The following ADAMTS2 variants were observed in gnomAD, a reference collection of about 807,000 sequenced individuals.
ADAMTS2 encodes ADAM metallopeptidase with thrombospondin type 1 motif 2.
Under a neutral mutation model 123.0 loss-of-function variants are expected in ADAMTS2, and 50 were observed. The ratio of observed to expected loss-of-function variants is 0.41; its 90% CI spans 0.32 to 0.51. The LOEUF is 0.51. Among genes scored for constraint, ADAMTS2 ranks in the 20% least tolerant of loss-of-function variants. ADAMTS2 has a pLI of 0.35. For missense variants in ADAMTS2, 1,494 were observed against 1,705.2 expected, an observed-to-expected ratio of 0.88 and a Z score of 2.18; for synonymous variants, 678 against 695.4, an observed-to-expected ratio of 0.98 and a Z score of 0.39.
chr5:179,212,352 G>A (rs1308642711), intron 3 of ADAMTS2, among the ~76,000 whole-genome samples: 57 of 147,430 alleles, frequency 3.9e-4, no homozygotes, highest in Non-Finnish European at 6.8e-4. Context: ...CAGTGGGCAC[G>A]TGTGGGCCCT....
At chr5:179,195,631 A>G (rs559952911) in intron 4 of ADAMTS2, among the ~76,000 whole-genome samples, 129 of 152,256 alleles carry the variant, frequency 8.5e-4, no homozygotes, top group African/African-American at 3.0e-3. Flanking sequence ...CCGAGTCCCC[A>G]CCACTCCCAA....
intron 4 of ADAMTS2, among the ~76,000 whole-genome samples, chr5:179,186,554 C>T (rs1764173926): frequency 6.6e-6 from 1 of 152,204 alleles, no homozygotes; most frequent in South Asian, 2.1e-4. Context: ...AATTTCCTGC[C>T]CAGCCCTGGC....
chr5:179,166,696 G>C (rs539261872), intron 5 of ADAMTS2, among the ~76,000 whole-genome samples: 1 of 152,298 alleles, frequency 6.6e-6, no homozygotes, highest in East Asian at 1.9e-4. Context: ...GCGTGCGATC[G>C]GTCACCTGCC....
At chr5:179,173,669 TAGAAATGAATGTCTGGGGTCAC>T (rs1253487252) in intron 5 of ADAMTS2, among the ~76,000 whole-genome samples, 1 of 152,224 alleles carries the variant, frequency 6.6e-6, no homozygotes, top group Non-Finnish European at 1.5e-5. Flanking sequence ...AACAGAGTTG[TAGAAATGAATGTCTGGGGTCAC>T]AGAAATGAAT....
chr5:179,196,335 G>A (rs935874899), intron 4 of ADAMTS2, among the ~76,000 whole-genome samples: 6 of 152,194 alleles, frequency 3.9e-5, no homozygotes, highest in Admixed American at 2.6e-4. Flanking sequence ...GACTGAAGGC[G>A]CAGAAGATCC....
At chr5:179,343,431 C>T (rs1757837789) in intron 2 of ADAMTS2, among the ~76,000 whole-genome samples, 1 of 152,242 alleles carries the variant, frequency 6.6e-6, no homozygotes, top group African/African-American at 2.4e-5. Context: ...TGTGCACACA[C>T]TCACAAAGGT....
intron 3 of ADAMTS2, among the ~76,000 whole-genome samples, chr5:179,237,154 G>A (rs748149396): frequency 4.6e-5 from 7 of 152,184 alleles, no homozygotes; most frequent in Non-Finnish European, 8.8e-5. Flanking sequence ...CCCCAGCTAC[G>A]TGAGAGGCTG....
At chr5:179,160,959 G>A (rs946146979) in intron 5 of ADAMTS2, among the ~76,000 whole-genome samples, 5 of 152,186 alleles carry the variant, frequency 3.3e-5, no homozygotes, top group African/African-American at 1.2e-4. Flanking sequence ...TAAAGACAGT[G>A]GCTGCTCTGT....
At chr5:179,146,897 C>G (rs1763258849) in intron 10 of ADAMTS2, among the ~76,000 whole-genome samples, 1 of 152,140 alleles carries the variant, frequency 6.6e-6, no homozygotes, top group African/African-American at 2.4e-5. Flanking sequence ...TCTGTCATTT[C>G]TTCCTTATTT....
At chr5:179,150,286 G>A (rs1324719064) in intron 10 of ADAMTS2, among the ~76,000 whole-genome samples, 2 of 152,194 alleles carry the variant, frequency 1.3e-5, no homozygotes, top group East Asian at 1.9e-4. Context: ...CTGGGGCCAC[G>A]GCAGATGTTC....
chr5:179,152,175 G>T lies in ADAMTS2; in HGVS notation c.1596C>A (p.Pro532=). 6.2e-7 allele frequency: 1 copy of T among 1,614,040 alleles called. No individual in the cohort carries two copies. Among genetic ancestry groups the T allele is most frequent in the Non-Finnish European group, 8.5e-7 (1 of 1,179,942 alleles). ...NPYFCKTKKG[P]PLDGTMCAPG... ...GTGCACACATAGTCCCGTCCAAGGG[G>T]GGCCCCTTCTTGGTCTTGCAAAAGT... is the stretch of plus-strand genomic sequence containing the variant. The change falls in exon 10 of 22, where the codon CCC becomes CCA. Residue 532 remains proline (P), a synonymous_variant. Coordinates refer to ENST00000251582, the MANE Select transcript of ADAMTS2 (RefSeq NM_014244.5).
In ADAMTS2 at chr5:179,260,863, A is replaced by T. The variant is rs555222446; in HGVS notation, c.688+12048T>A. ...CCCTGCTGTTCCCGCTACTGCTTGGACAGTGGTAGCCCTGCACCTTAGTTT... is the reference window on the plus strand; with the variant it reads ...CCCTGCTGTTCCCGCTACTGCTTGGTCAGTGGTAGCCCTGCACCTTAGTTT... On this transcript the variant is annotated intron_variant, in intron 3 of 21. Coordinates refer to ENST00000251582, the MANE Select transcript of ADAMTS2 (RefSeq NM_014244.5). The surrounding 1 kb of genome is among the most constrained non-coding windows in gnomAD (Gnocchi z 4.2). Among the ~76,000 whole-genome samples the T allele has an allele frequency of 5.1e-4, 77 of 152,214 alleles. No individual in the cohort carries two copies. The highest frequency in any genetic ancestry group is 1.7e-3 in the African/African-American group (70 of 41,532).
chr5:179,283,891 A>G (rs1755912872), intron 2 of ADAMTS2, among the ~76,000 whole-genome samples: 1 of 150,872 alleles, frequency 6.6e-6, no homozygotes, highest in South Asian at 2.1e-4. Flanking sequence ...CCCTGACTCA[A>G]AAAAACCAAA....
At chr5:179,196,185 C>G (rs1764427935) in intron 4 of ADAMTS2, among the ~76,000 whole-genome samples, 1 of 152,110 alleles carries the variant, frequency 6.6e-6, no homozygotes, top group South Asian at 2.1e-4. Flanking sequence ...AGGCCAATTT[C>G]TGGATTAAAT....
intron 13 of ADAMTS2, among the ~76,000 whole-genome samples, chr5:179,133,172 C>A (rs573547907): frequency 6.6e-6 from 1 of 152,164 alleles, no homozygotes; most frequent in African/African-American, 2.4e-5. Context: ...CCCCTGTGCA[C>A]GCGGCTGGTC....
intron 3 of ADAMTS2, among the ~76,000 whole-genome samples, chr5:179,226,201 T>G: frequency 6.6e-6 from 1 of 151,924 alleles, no homozygotes; most frequent in South Asian, 2.1e-4. Context: ...CTTCTTTATC[T>G]CTTTCTTTCT....
rs557557010 is a variant in ADAMTS2 at position 179,230,195 on chromosome 5, G to A, written c.689-22480C>T. ...GAGGAGGGCAGGGCAGGCTGGGCAGGGCTGGGCGTGAGGTGGGCAGGCAGG... is the reference window on the plus strand; with the variant it reads ...GAGGAGGGCAGGGCAGGCTGGGCAGAGCTGGGCGTGAGGTGGGCAGGCAGG... On this transcript the variant is annotated intron_variant, in intron 3 of 21. Coordinates refer to ENST00000251582, the MANE Select transcript of ADAMTS2 (RefSeq NM_014244.5). Among the ~76,000 whole-genome samples the A allele has an allele frequency of 1.2e-4, 18 of 152,328 alleles. No homozygotes were observed. The East Asian group carries it at 3.1e-3, about 26-fold the overall frequency.
In ADAMTS2 at chr5:179,154,911, G is replaced by A. The variant is rs924318085; in HGVS notation, c.1141C>T (p.Pro381Ser). ...FGPSGMQGYA[P>S]VTGMCHPVRS... ...ACCGGATGGCACATGCCGGTGACAG[G>A]AGCATAGCCTGGGAGGAGACAAGAG... is the stretch of plus-strand genomic sequence containing the variant. The change falls in exon 7 of 22, where the codon CCT (proline) becomes TCT (serine). Residue 381 changes from proline (P) to serine (S), a missense_variant. Transcript: ENST00000251582. 3.7e-6 allele frequency: 6 copies of A among 1,613,088 alleles called. No individual in the cohort carries two copies. Among genetic ancestry groups the A allele is most frequent in the Non-Finnish European group, 4.2e-6 (5 of 1,179,838 alleles).
At chr5:179,174,840 T>G (rs1581168727) in intron 5 of ADAMTS2, among the ~76,000 whole-genome samples, 7 of 70,894 alleles carry the variant, frequency 9.9e-5, no homozygotes, top group Middle Eastern at 8.8e-3. Flanking sequence ...TCTCAGCCAT[T>G]CTTGACCATT....
Sources: gnomAD v4.1 joint callset for allele counts (sites outside exome capture counted in the v4.1 genomes callset) on GRCh38, gnomAD v4.1.1 for gene constraint, Gnocchi (gnomAD v3.1) non-coding constraint, MANE v1.5 for transcripts, NCBI Gene and HGNC (gene_info 2026-07-23, HGNC 2026-07-21) for gene names.